GRIN2B: variants seen among roughly 807,000 people sequenced by gnomAD.
GRIN2B encodes the protein glutamate ionotropic receptor NMDA type subunit 2B, also known as glutamate receptor ionotropic, NMDA 2B.
GRIN2B carries 5 observed loss-of-function variants against 114.5 expected under a neutral mutation model. That is an observed-to-expected ratio of 0.04 (90% CI 0.02 to 0.09). The LOEUF is 0.09. Ranked by LOEUF, GRIN2B falls within the 10% of genes least tolerant of loss-of-function variation. The pLI is 1.00. For synonymous variants in GRIN2B, 787 were observed against 745.1 expected, an observed-to-expected ratio of 1.06 and a Z score of -0.92; for missense variants, 1,108 against 1,943.5, an observed-to-expected ratio of 0.57 and a Z score of 8.08.
chr12:13,776,267 G>T (rs894521461), intron 3 of GRIN2B, among the ~76,000 whole-genome samples: 1 of 152,120 alleles, frequency 6.6e-6, no homozygotes, highest in Non-Finnish European at 1.5e-5. Flanking sequence ...ACACACTGGG[G>T]CCTGTCAGGG....
chr12:13,623,278 A>G (rs1949535394), intron 5 of GRIN2B, among the ~76,000 whole-genome samples: 1 of 152,234 alleles, frequency 6.6e-6, no homozygotes, highest in African/African-American at 2.4e-5. Flanking sequence ...TAACCAGAAG[A>G]CATAATACAT....
At chr12:13,889,324 T>A (rs972497828) in intron 2 of GRIN2B, among the ~76,000 whole-genome samples, 1 of 152,210 alleles carries the variant, frequency 6.6e-6, no homozygotes, top group Non-Finnish European at 1.5e-5. Context: ...AGCACACAAT[T>A]GTACATTACA....
At chr12:13,631,042 CCTCA>C (rs1293732427) in intron 5 of GRIN2B, among the ~76,000 whole-genome samples, 1 of 152,004 alleles carries the variant, frequency 6.6e-6, no homozygotes, top group Non-Finnish European at 1.5e-5. Flanking sequence ...ATGAGAACTC[CCTCA>C]CTATCATGAG....
intron 4 of GRIN2B, among the ~76,000 whole-genome samples, chr12:13,683,036 C>T (rs1950145950): frequency 6.6e-6 from 1 of 152,092 alleles, no homozygotes; most frequent in Non-Finnish European, 1.5e-5. Flanking sequence ...AGTTCTGTCA[C>T]CAGCTGTGAT....
rs1057523105 is a variant in GRIN2B, at chr12:13,753,787, C to T, written c.540G>A (p.Gln180=). ...TGCTGCGGATCTTGTTTACAAAGTCCTGGTAGCCAGGGAAATAGGTGGTGA... is the reference window on the plus strand; with the variant it reads ...TGCTGCGGATCTTGTTTACAAAGTCTTGGTAGCCAGGGAAATAGGTGGTGA... ...SIVTTYFPGY[Q]DFVNKIRSTI... is the part of the protein sequence containing the mutation. The change falls in exon 4 of 14, where the codon CAG becomes CAA. Residue 180 remains glutamine, a synonymous_variant. Coordinates refer to ENST00000609686, the MANE Select transcript of GRIN2B (RefSeq NM_000834.5). The surrounding 1 kb of genome is among the most constrained non-coding windows in gnomAD (Gnocchi z 6.2). 6.2e-7 allele frequency: 1 copy of T among 1,613,822 alleles called. No individual in the cohort carries two copies. The highest frequency in any genetic ancestry group is 1.3e-5 in the African/African-American group (1 of 75,002).
At chr12:13,702,698 G>C (rs1012586) in intron 4 of GRIN2B, among the ~76,000 whole-genome samples, 52,395 of 151,894 alleles carry the variant, frequency 0.34, 9,790 homozygotes, top group East Asian at 0.81. Context: ...CCATAAAGAC[G>C]GACCCCACAA....
At chr12:13,710,602 C>A (rs937370243) in intron 4 of GRIN2B, among the ~76,000 whole-genome samples, 1 of 152,028 alleles carries the variant, frequency 6.6e-6, no homozygotes, top group Non-Finnish European at 1.5e-5. Flanking sequence ...AACAGACAGC[C>A]AAATCATGAG....
At position 13,614,462 on chromosome 12, in the gene GRIN2B, A is replaced by T. The variant is rs140300851; in HGVS notation, c.1654+652T>A. ...TGCAAAAAATATGGGGTATGAGCTC[A>T]CAAAAGACCTCATCTAATTGAAATC... is the stretch of plus-strand genomic sequence containing the variant. On this transcript the variant is annotated intron_variant, in intron 8 of 13. Coordinates refer to ENST00000609686, the MANE Select transcript of GRIN2B (RefSeq NM_000834.5). Among the ~76,000 whole-genome samples, 173 of 152,168 alleles carry T rather than the reference A, an allele frequency of 1.1e-3. 1 individual carries two copies. Among genetic ancestry groups the T allele is most frequent in the African/African-American group, 3.8e-3 (157 of 41,502 alleles).
intron 5 of GRIN2B, among the ~76,000 whole-genome samples, chr12:13,629,527 G>C (rs1156775625): frequency 1.3e-5 from 2 of 152,140 alleles, no homozygotes; most frequent in Non-Finnish European, 2.9e-5. Context: ...CTCAAAGGCT[G>C]TCAGGGCCTC....
chr12:13,669,828 T>C (rs1950006940), intron 5 of GRIN2B, among the ~76,000 whole-genome samples: 1 of 152,114 alleles, frequency 6.6e-6, no homozygotes, highest in Non-Finnish European at 1.5e-5. Flanking sequence ...TGACCTCTAT[T>C]GTATAAACAC....
At chr12:13,703,340 T>C (rs76918636) in intron 4 of GRIN2B, among the ~76,000 whole-genome samples, 8,487 of 152,254 alleles carry the variant, frequency 0.056, 317 homozygotes, top group Non-Finnish European at 0.09. Flanking sequence ...TGAAATACTA[T>C]TGTCAGCTCA....
chr12:13,819,441 T>A (rs1165362934), intron 3 of GRIN2B, among the ~76,000 whole-genome samples: 1 of 152,170 alleles, frequency 6.6e-6, no homozygotes, highest in Non-Finnish European at 1.5e-5. Context: ...ACTCATGTTG[T>A]CCAAAAACCC....
chr12:13,886,816 G>C (rs757093606), intron 2 of GRIN2B, among the ~76,000 whole-genome samples: 14 of 152,084 alleles, frequency 9.2e-5, no homozygotes, highest in Admixed American at 2.0e-4. Context: ...TTCTACAATA[G>C]AGGTTCACAG....
intron 2 of GRIN2B, among the ~76,000 whole-genome samples, chr12:13,974,778 A>G (rs1862990499): frequency 6.6e-6 from 1 of 152,184 alleles, no homozygotes; most frequent in Non-Finnish European, 1.5e-5. Flanking sequence ...CCTGGCAGGT[A>G]CAGACAGAGC....
intron 3 of GRIN2B, among the ~76,000 whole-genome samples, chr12:13,756,507 T>C (rs116928286): frequency 0.013 from 1,979 of 152,318 alleles, 23 homozygotes; most frequent in Middle Eastern, 0.02. Context: ...CCATTTGTTT[T>C]TCCTGTCATG....
At chr12:13,634,134 T>A (rs1949643472) in intron 5 of GRIN2B, 1 of 152,170 alleles carries the variant, frequency 6.6e-6, no homozygotes, top group Non-Finnish European at 1.5e-5. Flanking sequence ...AAGGTAGACA[T>A]AATCTCTCTG....
intron 3 of GRIN2B, among the ~76,000 whole-genome samples, chr12:13,863,298 T>G (rs906413648): frequency 1.3e-5 from 2 of 152,208 alleles, no homozygotes; most frequent in African/African-American, 2.4e-5. Context: ...GACTCCAGTA[T>G]TGCCTGATTA....
At chr12:13,815,739 T>C (rs1014820124) in intron 3 of GRIN2B, among the ~76,000 whole-genome samples, 5 of 152,212 alleles carry the variant, frequency 3.3e-5, no homozygotes, top group African/African-American at 9.6e-5. Flanking sequence ...TGCCTAACTT[T>C]GAAGTGAAAA....
At chr12:13,597,302 G>GA (rs951924973) in intron 10 of GRIN2B, among the ~76,000 whole-genome samples, 2 of 152,142 alleles carry the variant, frequency 1.3e-5, no homozygotes, top group African/African-American at 4.8e-5. Context: ...GGATCAAAAA[G>GA]AAAAAACCTG....
Sources: gnomAD v4.1 joint callset for allele counts (sites outside exome capture counted in the v4.1 genomes callset) on GRCh38, gnomAD v4.1.1 for gene constraint, Gnocchi (gnomAD v3.1) non-coding constraint, MANE v1.5 for transcripts, NCBI Gene and HGNC (gene_info 2026-07-23, HGNC 2026-07-21) for gene names.